The following NAALADL2 variants were observed in gnomAD, a reference collection of about 807,000 sequenced individuals.
NAALADL2 encodes N-acetylated alpha-linked acidic dipeptidase like 2, also known as inactive N-acetylated-alpha-linked acidic dipeptidase-like protein 2.
NAALADL2 carries 76 observed loss-of-function variants against 87.2 expected under a neutral mutation model. The observed-to-expected ratio is 0.87, with a 90% confidence interval of 0.72 to 1.05. The LOEUF is 1.05. Ranked by LOEUF, NAALADL2 falls within the 50% of genes least tolerant of loss-of-function variation. The pLI, the probability that NAALADL2 is intolerant of heterozygous loss-of-function variation, is 0.00. For synonymous variants in NAALADL2, 354 were observed against 331.0 expected (o/e 1.07, Z -0.75); for missense variants, 1,089 against 945.8 (o/e 1.15, Z -1.99).
intron 10 of NAALADL2, among the ~76,000 whole-genome samples, chr3:175,608,377 A>C (rs1724080658): frequency 6.6e-6 from 1 of 151,680 alleles, no homozygotes; most frequent in Admixed American, 6.6e-5. Flanking sequence ...TGTTTTAAAA[A>C]ATTTCCACAA....
chr3:174,821,456 C>T (rs897825044), intron 3 of NAALADL2, among the ~76,000 whole-genome samples: 82 of 152,216 alleles, frequency 5.4e-4, no homozygotes, highest in African/African-American at 1.8e-3. Context: ...CTTTAACATT[C>T]AAAGAGACTA....
intron 2 of NAALADL2, among the ~76,000 whole-genome samples, chr3:174,671,718 G>T (rs1187922245): frequency 6.6e-6 from 1 of 152,008 alleles, no homozygotes; most frequent in African/African-American, 2.4e-5. Flanking sequence ...ACACTTGTCA[G>T]AGGTTCCTAG....
chr3:175,591,626 A>T (rs1721461051), intron 10 of NAALADL2, among the ~76,000 whole-genome samples: 1 of 152,070 alleles, frequency 6.6e-6, no homozygotes, highest in Non-Finnish European at 1.5e-5. Flanking sequence ...CAAACAAATG[A>T]CAATAAAAGT....
chr3:175,471,511 A>G (rs1055170858), intron 8 of NAALADL2, 128 bp from the exon 9 acceptor site: 4 of 600,940 alleles, frequency 6.7e-6, no homozygotes, highest in South Asian at 6.3e-5. Context: ...GAAAAAAAAA[A>G]AGAAGGTAAT....
chr3:175,320,598 G>T (rs981320352), intron 4 of NAALADL2, among the ~76,000 whole-genome samples: 2 of 152,142 alleles, frequency 1.3e-5, no homozygotes, highest in Non-Finnish European at 2.9e-5. Flanking sequence ...TTAATGACTG[G>T]TGTGACAGGC....
chr3:175,265,577 A>C (rs1004661261), intron 4 of NAALADL2, among the ~76,000 whole-genome samples: 84 of 151,748 alleles, frequency 5.5e-4, no homozygotes, highest in Non-Finnish European at 2.7e-4. Context: ...ATTAGGCAGC[A>C]GTTTGAATTT....
intron 2 of NAALADL2, among the ~76,000 whole-genome samples, chr3:174,736,383 T>C (rs1412140088): frequency 1.3e-5 from 2 of 152,092 alleles, no homozygotes; most frequent in South Asian, 2.1e-4. Flanking sequence ...AGGAACTTTA[T>C]TGAGCAGCAG....
At chr3:174,849,900 T>C (rs1285745304) in intron 3 of NAALADL2, among the ~76,000 whole-genome samples, 1 of 152,152 alleles carries the variant, frequency 6.6e-6, no homozygotes. Context: ...GGTTTGTCTT[T>C]TAATCTTCCT....
intron 2 of NAALADL2, among the ~76,000 whole-genome samples, chr3:175,170,226 T>C (rs562727698): frequency 5.3e-4 from 81 of 151,718 alleles, no homozygotes; most frequent in Non-Finnish European, 9.2e-4. Flanking sequence ...ATTTCTTCTG[T>C]TAATTTTCTT....
At chr3:175,291,238 T>A (rs1178347823) in intron 4 of NAALADL2, among the ~76,000 whole-genome samples, 6 of 152,176 alleles carry the variant, frequency 3.9e-5, no homozygotes, top group African/African-American at 1.4e-4. Flanking sequence ...AGATATGTGA[T>A]CTCCTGAATG....
At chr3:175,308,673 C>T (rs555484644) in intron 4 of NAALADL2, among the ~76,000 whole-genome samples, 2 of 151,932 alleles carry the variant, frequency 1.3e-5, no homozygotes, top group Admixed American at 1.3e-4. Flanking sequence ...ATTTATTCAC[C>T]CCAGATGGAA....
At chr3:174,915,118 G>T (rs1339743716) in intron 1 of NAALADL2, among the ~76,000 whole-genome samples, 1 of 152,132 alleles carries the variant, frequency 6.6e-6, no homozygotes, top group Non-Finnish European at 1.5e-5. Flanking sequence ...ACAACAGAAA[G>T]ATTTTTAAAC....
chr3:175,665,961 C>A (rs912653441), intron 11 of NAALADL2, among the ~76,000 whole-genome samples: 1 of 152,040 alleles, frequency 6.6e-6, no homozygotes, highest in African/African-American at 2.4e-5. Context: ...TTATATTATC[C>A]TATTTTCAAA....
chr3:175,234,305 GTAACCATTAA>G, intron 3 of NAALADL2, 101 bp downstream of exon 3: 2 of 1,265,898 alleles, frequency 1.6e-6, no homozygotes, highest in South Asian at 2.9e-5. Context: ...ACATACAAAA[GTAACCATTAA>G]ATCTTTTCAG....
chr3:175,517,884 A>G (rs1294510339), intron 9 of NAALADL2, among the ~76,000 whole-genome samples: 1 of 152,152 alleles, frequency 6.6e-6, no homozygotes, highest in Non-Finnish European at 1.5e-5. Context: ...GGGATCGCAG[A>G]TTGGTTGAAC....
intron 2 of NAALADL2, among the ~76,000 whole-genome samples, chr3:174,592,409 T>C (rs1034185493): frequency 1.3e-5 from 2 of 152,052 alleles, no homozygotes; most frequent in Non-Finnish European, 2.9e-5. Context: ...AAAGATGAGA[T>C]AGTAGGCTTT....
chr3:174,747,244 C>CA (rs1734346705), intron 3 of NAALADL2, among the ~76,000 whole-genome samples: 1 of 152,062 alleles, frequency 6.6e-6, no homozygotes, highest in Admixed American at 6.6e-5. Flanking sequence ...AAAGGCCAAA[C>CA]AACCCCATCA....
At chr3:175,091,518 A>G (rs532686355) in intron 1 of NAALADL2, among the ~76,000 whole-genome samples, 74 of 152,190 alleles carry the variant, frequency 4.9e-4, no homozygotes, top group South Asian at 1.0e-3. Flanking sequence ...TACAAGTAGG[A>G]AAGCCTTTAT....
intron 2 of NAALADL2, among the ~76,000 whole-genome samples, chr3:174,694,553 CAG>C (rs978040309): frequency 8.9e-4 from 136 of 152,034 alleles, no homozygotes; most frequent in Admixed American, 6.6e-3. Flanking sequence ...ATTTGTACCT[CAG>C]GGGGCATTGT....
Sources: allele counts gnomAD v4.1 joint callset (sites outside exome capture counted in the v4.1 genomes callset), GRCh38; gene constraint gnomAD v4.1.1; transcripts MANE v1.5; gene names NCBI Gene and HGNC (gene_info 2026-07-23, HGNC 2026-07-21).